HUWE1: variants seen among roughly 807,000 people sequenced by gnomAD.
HUWE1 encodes the protein E3 ubiquitin-protein ligase HUWE1.
In HUWE1, 18 loss-of-function variants were observed where a neutral mutation model predicts 299.4. The observed-to-expected ratio is 0.06, with a 90% CI of 0.04 to 0.09. The LOEUF (loss-of-function observed/expected upper bound fraction) is 0.09, where lower values mean the gene tolerates loss of function less well. Ranked by LOEUF, HUWE1 falls within the 10% of genes least tolerant of loss-of-function variation. HUWE1 has a pLI of 1.00. For synonymous variants in HUWE1, 1,317 were observed against 1,286.1 expected, an observed-to-expected ratio of 1.02 and a Z score of -0.51; for missense variants, 1,832 against 3,462.3, an observed-to-expected ratio of 0.53 and a Z score of 11.82.
chrX:53,661,225 A>G (rs953585598), intron 3 of HUWE1, among the ~76,000 whole-genome samples: 1 of 110,914 alleles, frequency 9.0e-6, no homozygotes, highest in South Asian at 3.8e-4. Flanking sequence ...TAGTAGAGAC[A>G]GAGTTTCACT....
chrX:53,575,285 A>G (rs1044211112), intron 45 of HUWE1, 64 bp from the exon 46 acceptor site: 17 of 869,942 alleles, frequency 2.0e-5, no homozygotes, highest in Non-Finnish European at 2.9e-5. Flanking sequence ...CAAATGGCAG[A>G]ACTCCTTCCC....
Position 53,549,058 on chromosome X carries a change from G to C in HUWE1, c.9936C>G (p.Thr3312=). The change falls in exon 67 of 84, where the codon ACC becomes ACG. Residue 3312 remains threonine (T), a synonymous_variant. Coordinates refer to ENST00000262854, the MANE Select transcript of HUWE1 (RefSeq NM_031407.7). The part of the protein sequence containing the change: ...QIQRSGGRKH[T]EKHASGGSTV... ...TGGAGCCACCGCTTGCATGCTTCTCGGTATGTTTACGCCCCCCTGAACGCT... is the reference window on the plus strand; with the variant it reads ...TGGAGCCACCGCTTGCATGCTTCTCCGTATGTTTACGCCCCCCTGAACGCT... The C allele has an allele frequency of 8.3e-7, 1 of 1,210,936 alleles. No individual in the cohort carries two copies. The highest frequency in any genetic ancestry group is 1.1e-6 in the Non-Finnish European group (1 of 894,888).
At chrX:53,535,353 G>C (rs782096171) in intron 81 of HUWE1, 31 bp downstream of exon 81, 11 of 913,845 alleles carry the variant, frequency 1.2e-5, no homozygotes, top group Middle Eastern at 2.6e-4. Context: ...CTCATATTGA[G>C]CAACTAGAGG....
chrX:53,621,542 G>C (rs782265817), intron 19 of HUWE1, among the ~76,000 whole-genome samples: 1 of 104,883 alleles, frequency 9.5e-6, no homozygotes, highest in Non-Finnish European at 1.9e-5. Context: ...TCCCAGCCTT[G>C]ACGCTAACAC....
intron 23 of HUWE1, among the ~76,000 whole-genome samples, chrX:53,613,848 T>C: frequency 8.9e-6 from 1 of 111,878 alleles, no homozygotes; most frequent in Non-Finnish European, 1.9e-5. Context: ...CACACGTGCC[T>C]GAAAAAAATC....
chrX:53,684,264 C>G (rs1557054854), intron 2 of HUWE1: 1 of 157,239 alleles, frequency 6.4e-6, no homozygotes, highest in Non-Finnish European at 1.2e-5. Flanking sequence ...CCGCAGGATG[C>G]CGCCCGCGCC....
rs933621668 is a variant in HUWE1 at position 53,539,097 on chromosome X, T to C, written c.11633-17A>G. The C allele has an allele frequency of 8.3e-7, 1 of 1,201,110 alleles. No homozygotes were observed. Among genetic ancestry groups the C allele is most frequent in the African/African-American group, 1.8e-5 (1 of 56,495 alleles). ...GCTGTAGCACTAGGGTTAGGAATGATGGAGAAGTAACATTTTACTCTGCAA... is the reference window on the plus strand; with the variant it reads ...GCTGTAGCACTAGGGTTAGGAATGACGGAGAAGTAACATTTTACTCTGCAA... On this transcript the variant is annotated splice_polypyrimidine_tract_variant and intron_variant, in intron 75 of 83. Coordinates refer to ENST00000262854, the MANE Select transcript of HUWE1 (RefSeq NM_031407.7).
intron 46 of HUWE1, among the ~76,000 whole-genome samples, chrX:53,574,677 T>G (rs782226704): frequency 8.9e-6 from 1 of 112,077 alleles, no homozygotes; most frequent in Non-Finnish European, 1.9e-5. Flanking sequence ...GTCTCCTAAA[T>G]TGGATCACAA....
At chrX:53,626,355 T>C (rs2066504791) in intron 17 of HUWE1, among the ~76,000 whole-genome samples, 1 of 109,982 alleles carries the variant, frequency 9.1e-6, no homozygotes, top group Admixed American at 9.6e-5. Flanking sequence ...CATATACTAC[T>C]AGTTGGTAGT....
intron 49 of HUWE1, among the ~76,000 whole-genome samples, chrX:53,565,852 G>C (rs2062506245): frequency 9.2e-6 from 1 of 108,854 alleles, no homozygotes; most frequent in Non-Finnish European, 1.9e-5. Context: ...TGCTGATCTC[G>C]AACTCGTGAG....
chrX:53,543,366 G>A (rs1211584452), intron 73 of HUWE1, among the ~76,000 whole-genome samples: 5 of 110,715 alleles, frequency 4.5e-5, no homozygotes, highest in African/African-American at 1.6e-4. Flanking sequence ...AAGTGCCTGA[G>A]TGCCTAGGTG....
At chrX:53,617,190 G>A (rs782612597) in intron 20 of HUWE1, 43 bp from the exon 21 acceptor site, 1 of 1,135,657 alleles carries the variant, frequency 8.8e-7, no homozygotes. Context: ...CTAAAAGAGT[G>A]TAGATGCTAG....
intron 3 of HUWE1, among the ~76,000 whole-genome samples, chrX:53,672,203 A>G (rs1438469281): frequency 9.1e-6 from 1 of 110,454 alleles, no homozygotes; most frequent in Non-Finnish European, 1.9e-5. Flanking sequence ...ATTAGATAAT[A>G]TTAAGAAAAA....
In HUWE1 at chrX:53,620,816, T is replaced by G. The variant is rs188208325; in HGVS notation, c.1673-3370A>C. Among the ~76,000 whole-genome samples, 5 of 111,476 alleles carry G rather than the reference T, an allele frequency of 4.5e-5. No homozygotes were observed. The East Asian group carries it at 1.4e-3, about 31-fold the overall frequency. Reference sequence around the variant, plus strand: ...ACCTCCTCATTTGATATTGGTGCGATCCACGGTGGACAGGAGCCTAGGTTG... The same window carrying G: ...ACCTCCTCATTTGATATTGGTGCGAGCCACGGTGGACAGGAGCCTAGGTTG... On this transcript the variant is annotated intron_variant, in intron 19 of 83. Transcript: ENST00000262854.
intron 28 of HUWE1, 65 bp from the exon 29 acceptor site, chrX:53,600,374 A>C (rs2064756263): frequency 1.2e-6 from 1 of 811,383 alleles, no homozygotes; most frequent in Non-Finnish European, 1.8e-6. Context: ...GTTCCTTGAG[A>C]AGTACTGACA....
chrX:53,532,580 CA>C lies in HUWE1; in HGVS notation c.*728del, dbSNP rs1265842158. 6 of 108,575 alleles carry C rather than the reference CA, an allele frequency of 5.5e-5. No homozygotes were observed. Among genetic ancestry groups the C allele is most frequent in the Admixed American group, 2.0e-4 (2 of 10,128 alleles). The allele number at this position is 108,575 out of a possible 1,213,427, so 8.9% of individuals were successfully genotyped here. A position where few individuals can be genotyped will look rare whatever the true frequency, so the allele number is the denominator to read the frequency against. On this transcript the variant is annotated 3_prime_UTR_variant, in exon 84 of 84. Transcript: ENST00000262854. Reference sequence around the variant, plus strand: ...TCTAAAAAAAAAAAACAGATGCCCCCACCCCCAATTCCTGGTGAACTGCTCA... The same window carrying C: ...TCTAAAAAAAAAAAACAGATGCCCCCCCCCCAATTCCTGGTGAACTGCTCA...
chrX:53,543,635 G>A (rs2061440645), intron 73 of HUWE1: 1 of 564,145 alleles, frequency 1.8e-6, no homozygotes, highest in African/African-American at 2.3e-5. Flanking sequence ...GGGGTATGAT[G>A]GCCAAGCTTT....
At chrX:53,603,554 T>A in intron 26 of HUWE1, 53 bp from the exon 27 acceptor site, 1 of 1,134,482 alleles carries the variant, frequency 8.8e-7, no homozygotes, top group Non-Finnish European at 1.2e-6. Context: ...ACAATTATAC[T>A]TAAAAAAAAA....
In HUWE1 at chrX:53,595,423, A is replaced by G; in HGVS notation, c.3164-20T>C. On this transcript the variant is annotated intron_variant, in intron 29 of 83. Transcript: ENST00000262854. The stretch of plus-strand genomic sequence containing the variant: ...AGGAAGCTGAAACCCAGAAATCAGA[A>G]TAAGACTGTACAGTATTCTCAGAAT... 1 of 1,120,610 alleles carries G rather than the reference A, an allele frequency of 8.9e-7. No homozygotes were observed. Among genetic ancestry groups the G allele is most frequent in the Non-Finnish European group, 1.2e-6 (1 of 817,141 alleles). 92.4% of individuals were successfully genotyped at this position (1,120,610 alleles called of 1,213,427 possible).
Sources: gnomAD v4.1 joint callset for allele counts (sites outside exome capture counted in the v4.1 genomes callset) on GRCh38, gnomAD v4.1.1 for gene constraint, MANE v1.5 for transcripts, NCBI Gene and HGNC (gene_info 2026-07-23, HGNC 2026-07-21) for gene names.